MAGEA11: variants seen among roughly 807,000 people sequenced by gnomAD.
MAGEA11 encodes melanoma-associated antigen 11.
Under a neutral mutation model 8.4 loss-of-function variants are expected in MAGEA11, and 1 was observed. The ratio of observed to expected loss-of-function variants is 0.12; its 90% CI spans 0.04 to 0.57. The LOEUF (loss-of-function observed/expected upper bound fraction) is 0.57. MAGEA11 is among the 20% of genes least tolerant of loss of function. The pLI is 0.91. For missense variants in MAGEA11, 209 were observed against 317.3 expected (o/e 0.66, Z 2.59); for synonymous variants, 127 against 119.3 (o/e 1.06, Z -0.42).
At chrX:149,698,328 T>C (rs1404758212) in intron 1 of MAGEA11, among the ~76,000 whole-genome samples, 3 of 111,785 alleles carry the variant, frequency 2.7e-5, no homozygotes, top group Non-Finnish European at 5.6e-5. Context: ...TATTTCTTTT[T>C]TAATTCGACT....
chrX:149,688,735 A>G, upstream of MAGEA11: 2 of 250,740 alleles, frequency 8.0e-6, no homozygotes, highest in Non-Finnish European at 1.5e-5. Flanking sequence ...TACATATACA[A>G]TTAGCCTACA....
intron 3 of MAGEA11, among the ~76,000 whole-genome samples, chrX:149,715,044 A>G (rs1265993101): frequency 3.6e-5 from 4 of 112,008 alleles, no homozygotes; most frequent in African/African-American, 9.7e-5. Flanking sequence ...CCGAGGACAC[A>G]TGGACCCTGC....
At chrX:149,713,714 T>A in intron 2 of MAGEA11, 1 of 118,401 alleles carries the variant, frequency 8.4e-6, no homozygotes, top group Non-Finnish European at 1.7e-5. Flanking sequence ...ACTTTCTGCC[T>A]CCCATATCTC....
intron 1 of MAGEA11, among the ~76,000 whole-genome samples, chrX:149,691,899 T>C (rs1425150394): frequency 4.4e-5 from 5 of 112,701 alleles, no homozygotes; most frequent in African/African-American, 1.6e-4. Context: ...AGTTATTTGT[T>C]TCAATATGTA....
In MAGEA11 at chrX:149,712,151, T is replaced by A. The variant is rs1318808704; in HGVS notation, c.-29T>A. ...CAGAGGGCAGCGGGTCCAGGCTCCA[T>A]GAGGAGGCAAGGTGAGAGCTGAGGG... On this transcript the variant is annotated 5_prime_UTR_variant, in exon 1 of 5. It removes an upstream start codon present in the reference 5' UTR. Coordinates refer to ENST00000355220, the MANE Select transcript of MAGEA11 (RefSeq NM_005366.5). 4.0e-6 allele frequency: 3 copies of A among 748,482 alleles called. No homozygotes were observed. Among genetic ancestry groups the A allele is most frequent in the Non-Finnish European group, 4.7e-6 (3 of 637,575 alleles). 61.7% of individuals were successfully genotyped at this position (748,482 alleles called of 1,213,427 possible). A position where few individuals can be genotyped will look rare whatever the true frequency, so the allele number is the denominator to read the frequency against.
upstream of MAGEA11, among the ~76,000 whole-genome samples, chrX:149,709,858 T>C (rs1398487641): frequency 2.7e-5 from 3 of 112,052 alleles, no homozygotes; most frequent in African/African-American, 6.5e-5. Context: ...ATAGCAAATA[T>C]ACTTAATTGT....
chrX:149,709,572 G>T (rs782536265), upstream of MAGEA11, among the ~76,000 whole-genome samples: 5 of 111,782 alleles, frequency 4.5e-5, no homozygotes, highest in East Asian at 1.4e-3. Flanking sequence ...TTAAACCAAA[G>T]TTACTCACAT....
chrX:149,713,041 G>T, intron 1 of MAGEA11, 102 bp from the exon 2 acceptor site: 2 of 507,956 alleles, frequency 3.9e-6, no homozygotes, highest in Non-Finnish European at 6.8e-6. Context: ...GTCCCTGCTG[G>T]GAGGTGAGCA....
chrX:149,715,505 A>AC, intron 3 of MAGEA11, 99 bp from the exon 4 acceptor site: 1 of 555,380 alleles, frequency 1.8e-6, no homozygotes, highest in East Asian at 3.3e-5. Context: ...ACAGAAAGGG[A>AC]CCCCCAGCTT....
chrX:149,710,148 A>G (rs1371584733), upstream of MAGEA11, among the ~76,000 whole-genome samples: 2 of 112,064 alleles, frequency 1.8e-5, no homozygotes, highest in East Asian at 5.6e-4. Flanking sequence ...TGCAAAACAG[A>G]CAATAACTAT....
chrX:149,713,083 C>T (rs2090409595), intron 1 of MAGEA11, 60 bp from the exon 2 acceptor site: 1 of 762,309 alleles, frequency 1.3e-6, no homozygotes, highest in African/African-American at 2.1e-5. Flanking sequence ...GGACCCAGCA[C>T]CCCAGAACAG....
At chrX:149,691,953 A>G (rs1207814898) in intron 1 of MAGEA11, among the ~76,000 whole-genome samples, 1 of 112,970 alleles carries the variant, frequency 8.9e-6, no homozygotes, top group African/African-American at 3.2e-5. Flanking sequence ...ACTTAGAAAA[A>G]TTAAAATTGT....
chrX:149,698,244 T>A (rs959864662), intron 1 of MAGEA11, among the ~76,000 whole-genome samples: 3 of 112,050 alleles, frequency 2.7e-5, no homozygotes, highest in Non-Finnish European at 5.6e-5. Context: ...CAGCTTTTTA[T>A]CCAGTCCATC....
chrX:149,695,870 C>T (rs1205649754), intron 1 of MAGEA11, among the ~76,000 whole-genome samples: 3 of 111,588 alleles, frequency 2.7e-5, no homozygotes, highest in South Asian at 3.8e-4. Context: ...ATTTTGTTGG[C>T]GGAAGATTCT....
At chrX:149,699,312 G>C (rs1225379109) in intron 1 of MAGEA11, among the ~76,000 whole-genome samples, 1 of 111,855 alleles carries the variant, frequency 8.9e-6, no homozygotes, top group East Asian at 2.8e-4. Context: ...AGCAAAGATT[G>C]CTTGGAGGAG....
intron 2 of MAGEA11, chrX:149,714,073 G>C (rs1557362185): frequency 8.0e-6 from 1 of 124,356 alleles, no homozygotes; most frequent in African/African-American, 3.2e-5. Context: ...AGAGGGAGGA[G>C]TCCCAGGATC....
At chrX:149,713,093 G>A in intron 1 of MAGEA11, 50 bp from the exon 2 acceptor site, 1 of 811,604 alleles carries the variant, frequency 1.2e-6, no homozygotes, top group South Asian at 2.2e-5. Context: ...CCCCAGAACA[G>A]CCCCCCCCCA....
At chrX:149,692,724 G>C (rs1368719708) in intron 1 of MAGEA11, among the ~76,000 whole-genome samples, 5 of 111,861 alleles carry the variant, frequency 4.5e-5, no homozygotes, top group Non-Finnish European at 9.4e-5. Context: ...TGGTTTGGCT[G>C]TGTCCCCACC....
chrX:149,704,306 C>T (rs1005345663), intron 1 of MAGEA11, among the ~76,000 whole-genome samples: 3 of 112,265 alleles, frequency 2.7e-5, no homozygotes, highest in Non-Finnish European at 3.8e-5. Flanking sequence ...AACCGCGACC[C>T]CTGCAATGAG....
Sources: gnomAD v4.1 joint callset for allele counts (sites outside exome capture counted in the v4.1 genomes callset) on GRCh38, gnomAD v4.1.1 for gene constraint, MANE v1.5 for transcripts, NCBI Gene and HGNC (gene_info 2026-07-23, HGNC 2026-07-21) for gene names.